Variants in APOE observed in about 807,000 individuals in gnomAD.
APOE encodes apolipoprotein E.
In APOE, 10 loss-of-function variants were observed where a neutral mutation model predicts 13.1. That is an observed-to-expected ratio of 0.76 (90% CI 0.47 to 1.29). The LOEUF (loss-of-function observed/expected upper bound fraction) is 1.29. APOE is among the 50% of genes most tolerant of loss of function. APOE has a pLI of 0.00. For missense variants in APOE, 471 were observed against 459.6 expected (o/e 1.02, Z -0.23); for synonymous variants, 211 against 207.1 (o/e 1.02, Z -0.16).
At position 44,908,995 on chromosome 19, in the gene APOE, C is replaced by T. The variant is rs1354007902; in HGVS notation, c.699C>T (p.Arg233=). ...CCCAGGCCTGGGGCGAGCGGCTGCG[C>T]GCGCGGATGGAGGAGATGGGCAGCC... is the stretch of plus-strand genomic sequence containing the variant. ...ERAQAWGERL[R]ARMEEMGSRT... The change falls in exon 4 of 4, where the codon CGC becomes CGT. Residue 233 remains arginine (R), a synonymous_variant. Transcript: ENST00000252486. 5.3e-5 allele frequency: 81 copies of T among 1,533,730 alleles called. No homozygotes were observed. Among genetic ancestry groups the T allele is most frequent in the Non-Finnish European group, 6.6e-5 (76 of 1,145,888 alleles).
In APOE at chr19:44,906,593, C is replaced by T; in HGVS notation, c.-23-9C>T. 1 of 1,614,114 alleles carries T rather than the reference C, an allele frequency of 6.2e-7. No individual in the cohort carries two copies. Among genetic ancestry groups the T allele is most frequent in the Non-Finnish European group, 8.5e-7 (1 of 1,180,010 alleles). On this transcript the variant is annotated splice_polypyrimidine_tract_variant and intron_variant, in intron 1 of 3. Transcript: ENST00000252486. ...ACTGGCGGTTGATTGACAGTTTCTCCTTCCCCAGACTGGCCAATCACAGGC... is the reference window on the plus strand; with the variant it reads ...ACTGGCGGTTGATTGACAGTTTCTCTTTCCCCAGACTGGCCAATCACAGGC...
At position 44,907,414 on chromosome 19, in the gene APOE, T is replaced by C. The variant is rs542186645; in HGVS notation, c.44-346T>C. 128 of 346,824 alleles carry C rather than the reference T, an allele frequency of 3.7e-4. 1 individual carries two copies. The highest frequency in any genetic ancestry group is 3.0e-3 in the South Asian group (126 of 41,510). 21.5% of individuals were successfully genotyped at this position (346,824 alleles called of 1,614,324 possible). ...GAGTTCAACACCAGCCTGGGCAACATAGTGAGACCCTGTCTCTACTAAAAA... is the reference window on the plus strand; with the variant it reads ...GAGTTCAACACCAGCCTGGGCAACACAGTGAGACCCTGTCTCTACTAAAAA... On this transcript the variant is annotated intron_variant, in intron 2 of 3. Coordinates refer to ENST00000252486, the MANE Select transcript of APOE (RefSeq NM_000041.4). This position sits in a 1 kb window ranked among gnomAD's most constrained non-coding sequence, Gnocchi z 4.1.
chr19:44,909,156 T>C lies in APOE; in HGVS notation c.860T>C (p.Val287Ala). 6.2e-7 allele frequency: 1 copy of C among 1,601,318 alleles called. No homozygotes were observed. The highest frequency in any genetic ancestry group is 1.1e-5 in the South Asian group (1 of 90,790). The change falls in exon 4 of 4, where the codon GTG becomes GCG. Residue 287 changes from valine (V) to alanine (A), a missense_variant. Physicochemically the swap from Val to Ala is moderately conservative, Grantham distance 64. Coordinates refer to ENST00000252486, the MANE Select transcript of APOE (RefSeq NM_000041.4). Reference sequence around the variant, plus strand: ...CTCAAGAGCTGGTTCGAGCCCCTGGTGGAAGACATGCAGCGCCAGTGGGCC... The same window carrying C: ...CTCAAGAGCTGGTTCGAGCCCCTGGCGGAAGACATGCAGCGCCAGTGGGCC... ...ARLKSWFEPLVEDMQRQWAGL... is the reference protein window; with the variant it reads ...ARLKSWFEPLAEDMQRQWAGL...
At chr19:44,908,290 C>A (rs1173826153) in intron 3 of APOE, among the ~76,000 whole-genome samples, 1 of 152,188 alleles carries the variant, frequency 6.6e-6, no homozygotes, top group East Asian at 1.9e-4. Flanking sequence ...CCCGCCTCGG[C>A]CTCCCAAAGT....
rs759118026 is a variant in APOE, at chr19:44,909,148, G to A, written c.852G>A (p.Glu284=). Residue 284 remains glutamate, a synonymous_variant, in exon 4 of 4, where the codon GAG becomes GAA. Transcript: ENST00000252486. ...AGGCCCGCCTCAAGAGCTGGTTCGA[G>A]CCCCTGGTGGAAGACATGCAGCGCC... is the stretch of plus-strand genomic sequence containing the variant. ...AFQARLKSWF[E]PLVEDMQRQW... 1.2e-6 allele frequency: 2 copies of A among 1,601,388 alleles called. No homozygotes were observed. The highest frequency in any genetic ancestry group is 2.2e-5 in the East Asian group (1 of 44,810).
Position 44,909,105 on chromosome 19 carries a change from T to C in APOE, c.809T>C (p.Leu270Pro). ...KLEEQAQQIR[L>P]QAEAFQARLK... is the part of the protein sequence containing the mutation. ...GAGGAGCAGGCCCAGCAGATACGCC[T>C]GCAGGCCGAGGCCTTCCAGGCCCGC... is the stretch of plus-strand genomic sequence containing the variant. The change falls in exon 4 of 4, where the codon CTG becomes CCG. Residue 270 changes from leucine to proline, a missense_variant. Transcript: ENST00000252486. The C allele has an allele frequency of 6.3e-7, 1 of 1,589,446 alleles. No individual in the cohort carries two copies. Among genetic ancestry groups the C allele is most frequent in the Non-Finnish European group, 8.5e-7 (1 of 1,173,152 alleles).
intron 3 of APOE, among the ~76,000 whole-genome samples, chr19:44,908,328 G>T: frequency 6.6e-6 from 1 of 152,090 alleles, no homozygotes; most frequent in Non-Finnish European, 1.5e-5. Flanking sequence ...GAGCCACCTT[G>T]CCCGGCCTCC....
rs755877232 is a variant in APOE, at chr19:44,906,606, G to T, written c.-19G>T. On this transcript the variant is annotated 5_prime_UTR_variant, in exon 2 of 4. Coordinates refer to ENST00000252486, the MANE Select transcript of APOE (RefSeq NM_000041.4). ...TGACAGTTTCTCCTTCCCCAGACTGGCCAATCACAGGCAGGAAGATGAAGG... is the reference window on the plus strand; with the variant it reads ...TGACAGTTTCTCCTTCCCCAGACTGTCCAATCACAGGCAGGAAGATGAAGG... 8.7e-6 allele frequency: 14 copies of T among 1,613,978 alleles called. No individual in the cohort carries two copies.
In APOE at chr19:44,905,848, A is replaced by G. The variant is rs1351332135; in HGVS notation, c.-24+7A>G. The G allele has an allele frequency of 1.5e-6, 2 of 1,294,296 alleles. No individual in the cohort carries two copies. The highest frequency in any genetic ancestry group is 1.5e-5 in the African/African-American group (1 of 64,770). 80.2% of individuals were successfully genotyped at this position (1,294,296 alleles called of 1,614,324 possible). On this transcript the variant is annotated splice_region_variant and intron_variant, in intron 1 of 3. Transcript: ENST00000252486. Reference sequence around the variant, plus strand: ...CGTCCTTCCCCAGGAGCCGGTGAGAAGCGCAGTCGGGGGCACGGGGATGAG... The same window carrying G: ...CGTCCTTCCCCAGGAGCCGGTGAGAGGCGCAGTCGGGGGCACGGGGATGAG...
In APOE at chr19:44,909,268, C is replaced by T. The variant is rs1453954544; in HGVS notation, c.*18C>T. The stretch of plus-strand genomic sequence containing the variant: ...ATCACTGAACGCCGAAGCCTGCAGC[C>T]ATGCGACCCCACGCCACCCCGTGCC... On this transcript the variant is annotated 3_prime_UTR_variant, in exon 4 of 4. Transcript: ENST00000252486. The T allele has an allele frequency of 1.3e-6, 2 of 1,593,814 alleles. No homozygotes were observed. Among genetic ancestry groups the T allele is most frequent in the East Asian group, 2.2e-5 (1 of 44,818 alleles).
In APOE at chr19:44,908,773, G is replaced by A. The variant is rs1178742324; in HGVS notation, c.477G>A (p.Leu159=). 1 of 1,560,104 alleles carries A rather than the reference G, an allele frequency of 6.4e-7. No homozygotes were observed. Among genetic ancestry groups the A allele is most frequent in the South Asian group, 1.2e-5 (1 of 85,092 alleles). ...EELRVRLASH[L]RKLRKRLLRD... is the part of the protein sequence containing the mutation. ...TGCGGGTGCGCCTCGCCTCCCACCT[G>A]CGCAAGCTGCGTAAGCGGCTCCTCC... Residue 159 remains leucine (L), a synonymous_variant, in exon 4 of 4, where the codon CTG becomes CTA. Coordinates refer to ENST00000252486, the MANE Select transcript of APOE (RefSeq NM_000041.4).
Position 44,907,442 on chromosome 19 carries a change from C to G in APOE, c.44-318C>G, listed in dbSNP as rs911926074. On this transcript the variant is annotated intron_variant, in intron 2 of 3. Coordinates refer to ENST00000252486, the MANE Select transcript of APOE (RefSeq NM_000041.4). This position sits in a 1 kb window ranked among gnomAD's most constrained non-coding sequence, Gnocchi z 4.1. ...TGAGACCCTGTCTCTACTAAAAATA[C>G]AAAAATTAGCCAGGCATGGTGCCAC... 2.6e-6 allele frequency: 1 copy of G among 386,004 alleles called. No individual in the cohort carries two copies. Among genetic ancestry groups the G allele is most frequent in the Non-Finnish European group, 5.0e-6 (1 of 201,976 alleles). The allele number at this position is 386,004 out of a possible 1,614,324, so 23.9% of individuals were successfully genotyped here.
Position 44,909,282 on chromosome 19 carries a change from C to T in APOE, c.*32C>T, listed in dbSNP as rs780156942. ...AAGCCTGCAGCCATGCGACCCCACG[C>T]CACCCCGTGCCTCCTGCCTCCGCGC... On this transcript the variant is annotated 3_prime_UTR_variant, in exon 4 of 4. Transcript: ENST00000252486. 6.3e-6 allele frequency: 10 copies of T among 1,583,018 alleles called. No individual in the cohort carries two copies. In the Admixed American group the frequency reaches 1.3e-4, roughly 21 times the overall value.
intron 1 of APOE, 198 bp from the exon 2 acceptor site, chr19:44,906,404 T>G: frequency 3.3e-6 from 2 of 606,856 alleles, no homozygotes; most frequent in Non-Finnish European, 3.0e-6. Context: ...GACCTGGGGA[T>G]GGGGAGATAA....
intron 3 of APOE, among the ~76,000 whole-genome samples, chr19:44,908,279 TC>T (rs1192466491): frequency 6.6e-6 from 1 of 152,120 alleles, no homozygotes; most frequent in African/African-American, 2.4e-5. Flanking sequence ...CAAGCGATCC[TC>T]CCGCCTCGGC....
At chr19:44,908,486 C>A in intron 3 of APOE, 47 bp from the exon 4 acceptor site, 2 of 1,584,316 alleles carry the variant, frequency 1.3e-6, no homozygotes, top group Non-Finnish European at 8.7e-7. Flanking sequence ...CCCAGCCCTT[C>A]TCCCCGCCTC....
chr19:44,908,301 G>A (rs547430399), intron 3 of APOE, among the ~76,000 whole-genome samples: 1 of 152,112 alleles, frequency 6.6e-6, no homozygotes, highest in Non-Finnish European at 1.5e-5. Flanking sequence ...CTCCCAAAGT[G>A]CTGGGATTAG....
chr19:44,907,813 C>T lies in APOE; in HGVS notation c.97C>T (p.Arg33Cys), dbSNP rs752079771. The T allele has an allele frequency of 1.6e-5, 26 of 1,613,904 alleles. No individual in the cohort carries two copies. Among genetic ancestry groups the T allele is most frequent in the African/African-American group, 2.7e-5 (2 of 75,044 alleles). The change falls in exon 3 of 4, where the codon CGC becomes TGC. Residue 33 changes from arginine (R) to cysteine (C), a missense_variant. Physicochemically the swap from Arg to Cys is radical, Grantham distance 180. Coordinates refer to ENST00000252486, the MANE Select transcript of APOE (RefSeq NM_000041.4). The surrounding 1 kb of genome is among the most constrained non-coding windows in gnomAD (Gnocchi z 4.1). Reference sequence around the variant, plus strand: ...GGAGACAGAGCCGGAGCCCGAGCTGCGCCAGCAGACCGAGTGGCAGAGCGG... The same window carrying T: ...GGAGACAGAGCCGGAGCCCGAGCTGTGCCAGCAGACCGAGTGGCAGAGCGG... ...AVETEPEPEL[R>C]QQTEWQSGQR...
chr19:44,908,279 T>A (rs1414399416), intron 3 of APOE, among the ~76,000 whole-genome samples: 1 of 152,120 alleles, frequency 6.6e-6, no homozygotes, highest in African/African-American at 2.4e-5. Context: ...CAAGCGATCC[T>A]CCCGCCTCGG....
Sources: gnomAD v4.1 joint callset for allele counts (sites outside exome capture counted in the v4.1 genomes callset) on GRCh38, gnomAD v4.1.1 for gene constraint, Gnocchi (gnomAD v3.1) non-coding constraint, MANE v1.5 for transcripts, NCBI Gene and HGNC (gene_info 2026-07-23, HGNC 2026-07-21) for gene names.